Variants in ATP11B observed in about 807,000 individuals in gnomAD.
ATP11B encodes the protein phospholipid-transporting ATPase IF.
A neutral mutation model predicts 157.8 loss-of-function variants in ATP11B; 81 were observed. That is an observed-to-expected ratio of 0.51 (90% CI 0.43 to 0.62). The LOEUF (loss-of-function observed/expected upper bound fraction) is 0.62. ATP11B is among the 20% of genes least tolerant of loss of function. ATP11B has a pLI of 0.00. For synonymous variants in ATP11B, 451 were observed against 469.4 expected (o/e 0.96, Z 0.51); for missense variants, 1,165 against 1,402.2 (o/e 0.83, Z 2.70).
intron 4 of ATP11B, among the ~76,000 whole-genome samples, chr3:182,831,751 C>T (rs1467823994): frequency 6.6e-6 from 1 of 152,124 alleles, no homozygotes; most frequent in Non-Finnish European, 1.5e-5. Flanking sequence ...CTTTGACCAC[C>T]ATGCCACTCT....
rs753514406 is a variant in ATP11B, at chr3:182,874,005, C to T, written c.2242C>T (p.Leu748Phe). The change falls in exon 19 of 30, where the codon CTT (leucine) becomes TTT (phenylalanine). Residue 748 changes from leucine to phenylalanine, a missense_variant. By Grantham distance (22) the Leu-to-Phe change is conservative. Transcript: ENST00000323116. ...DSECAEQLRQ[L>F]ARRITEDHVI... ...CGAGTGTGCTGAACAATTGAGGCAG[C>T]TTGCCAGAAGGTAAGAATATAGGAA... 1.2e-6 allele frequency: 2 copies of T among 1,613,620 alleles called. No homozygotes were observed. The highest frequency in any genetic ancestry group is 8.5e-7 in the Non-Finnish European group (1 of 1,179,824).
At chr3:182,887,854 G>GA (rs1337834375) in intron 24 of ATP11B, 141 bp downstream of exon 24, 14 of 907,320 alleles carry the variant, frequency 1.5e-5, no homozygotes, top group South Asian at 5.5e-5. Context: ...GAATATCAGA[G>GA]AAAAAAAGGT....
Position 182,887,099 on chromosome 3 carries a change from A to G in ATP11B, c.2716-487A>G, listed in dbSNP as rs569142513. 2.0e-5 allele frequency among the ~76,000 whole-genome samples: 3 copies of G among 152,320 alleles called. No homozygotes were observed. In the South Asian group the frequency reaches 6.2e-4, roughly 32 times the overall value. On this transcript the variant is annotated intron_variant, in intron 23 of 29. Transcript: ENST00000323116. ...AACAGTGGTACCTGTGACTGTTTAG[A>G]GGAGCAAGATATCGTTAAGGACTTA...
At chr3:182,860,151 C>G (rs571756738) in intron 12 of ATP11B, among the ~76,000 whole-genome samples, 114 of 152,258 alleles carry the variant, frequency 7.5e-4, no homozygotes, top group African/African-American at 2.6e-3. Flanking sequence ...GGCTTATTCT[C>G]TTTTGGTGCT....
rs1432258788 is a variant in ATP11B, at chr3:182,887,685, G to A, written c.2815G>A (p.Val939Met). 25 of 1,611,246 alleles carry A rather than the reference G, an allele frequency of 1.6e-5. No individual in the cohort carries two copies. The highest frequency in any genetic ancestry group is 2.1e-5 in the Non-Finnish European group (25 of 1,179,300). The change falls in exon 24 of 30, where the codon GTG becomes ATG. Residue 939 changes from valine to methionine, a missense_variant. Physicochemically the swap from Val to Met is conservative, Grantham distance 21 (BLOSUM62 1). Transcript: ENST00000323116. ...SLLEQHVDPH[V>M]LQNKPTLYRD... ...TTTGGAACAGCATGTAGACCCTCAT[G>A]TGTTACAAAATAAGCCCACCCTTTA...
At chr3:182,807,782 ATTTTAC>A (rs1716413389) in intron 1 of ATP11B, among the ~76,000 whole-genome samples, 1 of 152,086 alleles carries the variant, frequency 6.6e-6, no homozygotes, top group East Asian at 1.9e-4. Context: ...TATTCTACAT[ATTTTAC>A]TTTTTGTGCT....
rs1260875505 is a variant in ATP11B at position 182,836,052 on chromosome 3, A to G, written c.333A>G (p.Leu111=). Residue 111 remains leucine (L), a synonymous_variant, in exon 5 of 30, where the codon TTA becomes TTG. Coordinates refer to ENST00000323116, the MANE Select transcript of ATP11B (RefSeq NM_014616.3). Reference sequence around the variant, plus strand: ...ATTTACAGGGATATGAAGATTGGTTACGGCATAACTCAGATAATGAAGTAA... The same window carrying G: ...ATTTACAGGGATATGAAGATTGGTTGCGGCATAACTCAGATAATGAAGTAA... The part of the protein sequence containing the change: ...TAIKQGYEDW[L]RHNSDNEVNG... 1 of 1,612,756 alleles carries G rather than the reference A, an allele frequency of 6.2e-7. No homozygotes were observed. Among genetic ancestry groups the G allele is most frequent in the Admixed American group, 1.7e-5 (1 of 59,888 alleles).
intron 10 of ATP11B, among the ~76,000 whole-genome samples, chr3:182,852,409 A>T (rs1161615560): frequency 6.6e-6 from 1 of 152,206 alleles, no homozygotes; most frequent in Non-Finnish European, 1.5e-5. Context: ...AGCTCCATAG[A>T]TGCTACACAT....
chr3:182,894,049 G>A (rs553572571), intron 25 of ATP11B, among the ~76,000 whole-genome samples: 43 of 152,164 alleles, frequency 2.8e-4, no homozygotes, highest in South Asian at 2.7e-3. Context: ...TTGCTGATCC[G>A]TTTGAGTTGC....
chr3:182,878,684 T>A (rs1348857366), intron 19 of ATP11B, among the ~76,000 whole-genome samples: 4 of 152,224 alleles, frequency 2.6e-5, no homozygotes, highest in Non-Finnish European at 5.9e-5. Context: ...TTATCCATGT[T>A]CTACCATAGT....
At chr3:182,795,601 A>C (rs554851070) in intron 1 of ATP11B, among the ~76,000 whole-genome samples, 52 of 152,318 alleles carry the variant, frequency 3.4e-4, no homozygotes, top group Middle Eastern at 3.4e-3. Flanking sequence ...AAAAAATGCT[A>C]TCTCTGACAT....
At chr3:182,845,855 A>G (rs1473595806) in intron 9 of ATP11B, among the ~76,000 whole-genome samples, 4 of 152,224 alleles carry the variant, frequency 2.6e-5, no homozygotes, top group East Asian at 3.8e-4. Flanking sequence ...AACCACTTCT[A>G]TAATTTCATT....
chr3:182,886,144 G>C, intron 23 of ATP11B, 134 bp downstream of exon 23: 1 of 489,856 alleles, frequency 2.0e-6, no homozygotes, highest in East Asian at 3.3e-5. Flanking sequence ...GAACTTTTCT[G>C]TTTAGTATAT....
intron 17 of ATP11B, among the ~76,000 whole-genome samples, chr3:182,871,052 A>G (rs1174186665): frequency 6.6e-6 from 1 of 152,198 alleles, no homozygotes; most frequent in Non-Finnish European, 1.5e-5. Flanking sequence ...CTGTAATCCC[A>G]GCACTTTGGG....
At chr3:182,912,723 C>T (rs1000984119) in intron 28 of ATP11B, among the ~76,000 whole-genome samples, 1 of 152,150 alleles carries the variant, frequency 6.6e-6, no homozygotes, top group Non-Finnish European at 1.5e-5. Flanking sequence ...TGTTCCATCA[C>T]GTCCGTCTCT....
chr3:182,915,050 G>A (rs1334179649), intron 29 of ATP11B: 1 of 985,260 alleles, frequency 1.0e-6, no homozygotes, highest in Non-Finnish European at 1.2e-6. Context: ...AGTGAAGAAG[G>A]CACTACTCCT....
chr3:182,891,575 A>G (rs1040522549), intron 25 of ATP11B, among the ~76,000 whole-genome samples: 1 of 152,212 alleles, frequency 6.6e-6, no homozygotes, highest in Admixed American at 6.5e-5. Context: ...TTACATTGTC[A>G]TAATGTAAGT....
intron 2 of ATP11B, 63 bp downstream of exon 2, chr3:182,820,439 T>C (rs1170406961): frequency 8.9e-7 from 1 of 1,129,180 alleles, no homozygotes; most frequent in Admixed American, 1.7e-5. Context: ...ATCCCAGCAC[T>C]TTGGGAGGCC....
intron 25 of ATP11B, among the ~76,000 whole-genome samples, chr3:182,895,218 G>A (rs1723464143): frequency 6.6e-6 from 1 of 151,780 alleles, no homozygotes. Context: ...ACTGATCATC[G>A]GTATTTCTGG....
Sources: gnomAD v4.1 joint callset for allele counts (sites outside exome capture counted in the v4.1 genomes callset) on GRCh38, gnomAD v4.1.1 for gene constraint, MANE v1.5 for transcripts, NCBI Gene and HGNC (gene_info 2026-07-23, HGNC 2026-07-21) for gene names.